Variants in BBS10 observed in about 807,000 individuals in gnomAD.
BBS10 encodes the protein Bardet-Biedl syndrome 10.
BBS10 carries 13 observed loss-of-function variants against 12.7 expected under a neutral mutation model. The ratio of observed to expected loss-of-function variants is 1.03; its 90% CI spans 0.67 to 1.63. The LOEUF (loss-of-function observed/expected upper bound fraction) is 1.63. Ranked by LOEUF, BBS10 falls within the 40% of genes most tolerant of loss-of-function variation. BBS10 has a pLI of 0.00. For missense variants in BBS10, 858 were observed against 858.0 expected, an observed-to-expected ratio of 1.00 and a Z score of 0.00; for synonymous variants, 294 against 304.8, an observed-to-expected ratio of 0.96 and a Z score of 0.37.
At chr12:76,348,117 T>A (rs536550586) in intron 1 of BBS10, 45 bp downstream of exon 1, 1 of 1,570,674 alleles carries the variant, frequency 6.4e-7, no homozygotes, top group African/African-American at 1.4e-5. Flanking sequence ...CCACAGAGGC[T>A]GCCTGGGGTG....
At position 76,345,549 on chromosome 12, in the gene BBS10, T is replaced by A. The variant is rs556444502; in HGVS notation, c.*264A>T. 8 of 437,444 alleles carry A rather than the reference T, an allele frequency of 1.8e-5. No individual in the cohort carries two copies. The highest frequency in any genetic ancestry group is 3.4e-5 in the Non-Finnish European group (8 of 235,664). 27.1% of individuals were successfully genotyped at this position (437,444 alleles called of 1,614,324 possible). A position where few individuals can be genotyped will look rare whatever the true frequency, so the allele number is the denominator to read the frequency against. On this transcript the variant is annotated 3_prime_UTR_variant, in exon 2 of 2. Transcript: ENST00000650064. ...AAAACCCTCCCCTAAACACATAGGC[T>A]AACACAGAGCTGAGACACAGAGGCA...
Position 76,346,942 on chromosome 12 carries a change from A to C in BBS10, c.1043T>G (p.Leu348Arg). The change falls in exon 2 of 2, where the codon CTT becomes CGT. Residue 348 changes from leucine (L) to arginine (R), a missense_variant. By Grantham distance (102) the Leu-to-Arg change is moderately radical (BLOSUM62 -2). Transcript: ENST00000650064. The stretch of plus-strand genomic sequence containing the variant: ...GGCCTGTGGTGGTACAAATGGAGAA[A>C]GACCAATGATCCTCCGGATAAGAGA... ...EVSLIRRIIG[L>R]SPFVPPQAFS... 1 of 1,611,432 alleles carries C rather than the reference A, an allele frequency of 6.2e-7. No homozygotes were observed. Among genetic ancestry groups the C allele is most frequent in the Non-Finnish European group, 8.5e-7 (1 of 1,180,008 alleles).
chr12:76,347,281 A>C lies in BBS10; in HGVS notation c.704T>G (p.Ile235Ser), dbSNP rs565821152. Residue 235 changes from isoleucine to serine, a missense_variant, in exon 2 of 2, where the codon ATC becomes AGC. Physicochemically the swap from Ile to Ser is moderately radical, Grantham distance 142. Transcript: ENST00000650064. Reference sequence around the variant, plus strand: ...TTTCTGAAGCACAAGACCAGCTATGATCCTGGAATCTGAAACAGGAAGGCC... The same window carrying C: ...TTTCTGAAGCACAAGACCAGCTATGCTCCTGGAATCTGAAACAGGAAGGCC... The part of the protein sequence containing the change: ...VTGLPVSDSR[I>S]IAGLVLQKDF... The C allele has an allele frequency of 6.2e-7, 1 of 1,613,794 alleles. No homozygotes were observed. The highest frequency in any genetic ancestry group is 1.3e-5 in the African/African-American group (1 of 75,040).
At position 76,345,706 on chromosome 12, in the gene BBS10, C is replaced by T. The variant is rs1271950845; in HGVS notation, c.*107G>A. 7.0e-6 allele frequency: 7 copies of T among 998,896 alleles called. No homozygotes were observed. Among genetic ancestry groups the T allele is most frequent in the African/African-American group, 3.2e-5 (2 of 62,070 alleles). 61.9% of individuals were successfully genotyped at this position (998,896 alleles called of 1,614,324 possible). A position where few individuals can be genotyped will look rare whatever the true frequency, so the allele number is the denominator to read the frequency against. ...CTTCTTCTAAAGACTTTTAAAGTTA[C>T]GCTATTTTCCTAAGTAGACTGAACT... On this transcript the variant is annotated 3_prime_UTR_variant, in exon 2 of 2. Transcript: ENST00000650064.
rs1396450993 is a variant in BBS10 at position 76,348,352 on chromosome 12, T to G, written c.7A>C (p.Ser3Arg). 6 of 1,586,182 alleles carry G rather than the reference T, an allele frequency of 3.8e-6. No individual in the cohort carries two copies. Among genetic ancestry groups the G allele is most frequent in the Non-Finnish European group, 5.1e-6 (6 of 1,165,906 alleles). ...ACAGACCCTGCAGCGGCCATAGAAC[T>G]TAACATATCTGGGCCGCTTCCCCTT... is the stretch of plus-strand genomic sequence containing the variant. ML[S>R]SMAAAGSVKA... is the part of the protein sequence containing the mutation. Residue 3 changes from serine (S) to arginine (R), a missense_variant, in exon 1 of 2, where the codon AGT becomes CGT. Coordinates refer to ENST00000650064, the MANE Select transcript of BBS10 (RefSeq NM_024685.4).
chr12:76,347,565 T>A lies in BBS10; in HGVS notation c.420A>T (p.Ile140=). Residue 140 remains isoleucine, a synonymous_variant, in exon 2 of 2, where the codon ATA becomes ATT. Coordinates refer to ENST00000650064, the MANE Select transcript of BBS10 (RefSeq NM_024685.4). Reference sequence around the variant, plus strand: ...GGTACTGGTCCATAATACCGTCTAATATTTGTGTCTGAAACGTTAGGAGAG... The same window carrying A: ...GGTACTGGTCCATAATACCGTCTAAAATTTGTGTCTGAAACGTTAGGAGAG... ...SQALLTFQTQ[I]LDGIMDQYLS... is the part of the protein sequence containing the mutation. 2 of 1,613,824 alleles carry A rather than the reference T, an allele frequency of 1.2e-6. No individual in the cohort carries two copies. The highest frequency in any genetic ancestry group is 1.7e-6 in the Non-Finnish European group (2 of 1,179,994).
intron 1 of BBS10, 96 bp downstream of exon 1, chr12:76,348,066 G>A (rs1225951488): frequency 1.4e-6 from 2 of 1,396,712 alleles, no homozygotes; most frequent in African/African-American, 2.9e-5. Context: ...CCCGAGGTCA[G>A]TCTTTCTAAG....
intron 1 of BBS10, 100 bp downstream of exon 1, chr12:76,348,062 G>A: frequency 1.5e-6 from 2 of 1,367,580 alleles, no homozygotes; most frequent in African/African-American, 1.5e-5. Flanking sequence ...TTCACCCGAG[G>A]TCAGTCTTTC....
In BBS10 at chr12:76,346,437, T is replaced by A. The variant is rs771662934; in HGVS notation, c.1548A>T (p.Thr516=). The change falls in exon 2 of 2, where the codon ACA becomes ACT. Residue 516 remains threonine (T), a synonymous_variant. Transcript: ENST00000650064. The part of the protein sequence containing the change: ...YSTPTLTPTD[T]FQTVETLTCL... ...ATGTCAGCGTTTCAACTGTTTGGAA[T>A]GTATCTGTTGGTGTCAGTGTGGGGG... 48 of 1,614,068 alleles carry A rather than the reference T, an allele frequency of 3.0e-5. No homozygotes were observed. In the Middle Eastern group the frequency reaches 1.5e-3, roughly 50 times the overall value.
At position 76,348,319 on chromosome 12, in the gene BBS10, C is replaced by A. The variant is rs1344339701; in HGVS notation, c.40G>T (p.Ala14Ser). Residue 14 changes from alanine to serine, a missense_variant, in exon 1 of 2, where the codon GCG (alanine) becomes TCG (serine). Transcript: ENST00000650064. ...TCCAGCACCTCGGCCACCTGCAACG[C>A]CGCCTTCACAGACCCTGCAGCGGCC... ...SMAAAGSVKA[A>S]LQVAEVLEAI... 1.2e-6 allele frequency: 2 copies of A among 1,609,506 alleles called. No individual in the cohort carries two copies. The highest frequency in any genetic ancestry group is 2.2e-5 in the South Asian group (2 of 90,426).
rs727503818 is a variant in BBS10, at chr12:76,346,893, GT to G, written c.1091del (p.Asn364ThrfsTer5). On this transcript the variant is annotated frameshift_variant, in exon 2 of 2. Coordinates refer to ENST00000650064, the MANE Select transcript of BBS10 (RefSeq NM_024685.4). LOFTEE classifies it low-confidence loss of function (END_TRUNC). Reference protein sequence around the residue: ...PQAFSQCEIPNTALVKFCKPL... With the variant: ...PQAFSQCEIPXTALVKFCKPL... Reference sequence around the variant, plus strand: ...GTTTACAAAATTTCACCAAAGCAGTGTTAGGTATTTCACACTGCGAAAAGGC... The same window carrying G: ...GTTTACAAAATTTCACCAAAGCAGTGTAGGTATTTCACACTGCGAAAAGGC... 64 of 1,613,214 alleles carry G rather than the reference GT, an allele frequency of 4.0e-5. No homozygotes were observed. The highest frequency in any genetic ancestry group is 1.6e-4 in the Middle Eastern group (1 of 6,084).
chr12:76,346,042 T>A lies in BBS10; in HGVS notation c.1943A>T (p.Lys648Ile), dbSNP rs913635172. The change falls in exon 2 of 2, where the codon AAA (lysine) becomes ATA (isoleucine). Residue 648 changes from lysine (K) to isoleucine (I), a missense_variant. Physicochemically the swap from Lys to Ile is moderately radical, Grantham distance 102 (BLOSUM62 -3). Coordinates refer to ENST00000650064, the MANE Select transcript of BBS10 (RefSeq NM_024685.4). ...ATGTGGAAAGCTGTACTTTCCTGTT[T>A]TAGATTTATAAAGGACTTTGGGAAT... The part of the protein sequence containing the change: ...LGIPKVLYKS[K>I]TGKYSFPHTY... The A allele has an allele frequency of 5.6e-6, 9 of 1,613,848 alleles. No homozygotes were observed. The highest frequency in any genetic ancestry group is 7.6e-6 in the Non-Finnish European group (9 of 1,179,944).
chr12:76,348,359 A>T lies in BBS10; in HGVS notation c.-1T>A, dbSNP rs760290463. 1 of 1,578,786 alleles carries T rather than the reference A, an allele frequency of 6.3e-7. No homozygotes were observed. Among genetic ancestry groups the T allele is most frequent in the Non-Finnish European group, 8.6e-7 (1 of 1,162,144 alleles). ...CTGCAGCGGCCATAGAACTTAACATATCTGGGCCGCTTCCCCTTTTTGACC... is the reference window on the plus strand; with the variant it reads ...CTGCAGCGGCCATAGAACTTAACATTTCTGGGCCGCTTCCCCTTTTTGACC... On this transcript the variant is annotated 5_prime_UTR_variant, in exon 1 of 2. Coordinates refer to ENST00000650064, the MANE Select transcript of BBS10 (RefSeq NM_024685.4).
rs767552027 is a variant in BBS10, at chr12:76,346,973, C to T, written c.1012G>A (p.Glu338Lys). ...ISVVECLSSE[E>K]VSLIRRIIGL... ...ATGATCCTCCGGATAAGAGAAACTT[C>T]TTCTGATGATAAACACTCAACCACT... The change falls in exon 2 of 2, where the codon GAA becomes AAA. Residue 338 changes from glutamate (E) to lysine (K), a missense_variant. By Grantham distance (56) the Glu-to-Lys change is moderately conservative. Transcript: ENST00000650064. 2.5e-6 allele frequency: 4 copies of T among 1,611,064 alleles called. No individual in the cohort carries two copies. Among genetic ancestry groups the T allele is most frequent in the Non-Finnish European group, 3.4e-6 (4 of 1,179,974 alleles).
chr12:76,348,122 G>T (rs1175857426), intron 1 of BBS10, 40 bp downstream of exon 1: 1 of 1,576,842 alleles, frequency 6.3e-7, no homozygotes. Flanking sequence ...GAGGCTGCCT[G>T]GGGTGCCCGG....
At position 76,346,567 on chromosome 12, in the gene BBS10, A is replaced by G. The variant is rs763473990; in HGVS notation, c.1418T>C (p.Val473Ala). ...GSIQRPYQDT[V>A]AENKDALEKT... Reference sequence around the variant, plus strand: ...TTCCAATGCATCTTTGTTCTCTGCAACTGTGTCCTGATAAGGCCTTTGTAT... The same window carrying G: ...TTCCAATGCATCTTTGTTCTCTGCAGCTGTGTCCTGATAAGGCCTTTGTAT... Residue 473 changes from valine to alanine, a missense_variant, in exon 2 of 2, where the codon GTT becomes GCT. Transcript: ENST00000650064. 32 of 1,614,030 alleles carry G rather than the reference A, an allele frequency of 2.0e-5. No homozygotes were observed. The South Asian group carries it at 3.4e-4, about 17-fold the overall frequency.
Position 76,348,189 on chromosome 12 carries a change from G to T in BBS10, c.170C>A (p.Ala57Glu). 2 of 1,613,112 alleles carry T rather than the reference G, an allele frequency of 1.2e-6. No individual in the cohort carries two copies. The highest frequency in any genetic ancestry group is 1.7e-6 in the Non-Finnish European group (2 of 1,179,298). Reference sequence around the variant, plus strand: ...GGCTATGGGATGCTCTAAGTGTAGCGCCTCCAGGAGGCGGCCTCCATTCCG... The same window carrying T: ...GGCTATGGGATGCTCTAAGTGTAGCTCCTCCAGGAGGCGGCCTCCATTCCG... Reference protein sequence around the residue: ...LSRNGGRLLEALHLEHPIARM... With the variant: ...LSRNGGRLLEELHLEHPIARM... Residue 57 changes from alanine (A) to glutamate (E), a missense_variant, in exon 1 of 2, where the codon GCG (alanine) becomes GAG (glutamate). Ala to Glu is a moderately radical substitution (Grantham distance 107). Coordinates refer to ENST00000650064, the MANE Select transcript of BBS10 (RefSeq NM_024685.4).
chr12:76,347,884 T>C lies in BBS10; in HGVS notation c.198-97A>G. On this transcript the variant is annotated intron_variant, in intron 1 of 1. Transcript: ENST00000650064. Reference sequence around the variant, plus strand: ...CAGCCATAAGCATAAAATGAGAATATTGTTCCTTGGATACATCCTTAGTTT... The same window carrying C: ...CAGCCATAAGCATAAAATGAGAATACTGTTCCTTGGATACATCCTTAGTTT... 8 of 1,339,376 alleles carry C rather than the reference T, an allele frequency of 6.0e-6. No individual in the cohort carries two copies. In the South Asian group the frequency reaches 8.9e-5, roughly 15 times the overall value. 83.0% of individuals were successfully genotyped at this position (1,339,376 alleles called of 1,614,324 possible). A position where few individuals can be genotyped will look rare whatever the true frequency, so the allele number is the denominator to read the frequency against.
chr12:76,346,273 C>T lies in BBS10; in HGVS notation c.1712G>A (p.Gly571Glu), dbSNP rs1478873097. The T allele has an allele frequency of 1.2e-6, 2 of 1,612,916 alleles. No individual in the cohort carries two copies. Among genetic ancestry groups the T allele is most frequent in the Admixed American group, 3.3e-5 (2 of 59,924 alleles). Residue 571 changes from glycine to glutamate, a missense_variant, in exon 2 of 2, where the codon GGA becomes GAA. Coordinates refer to ENST00000650064, the MANE Select transcript of BBS10 (RefSeq NM_024685.4). ...CTTACAGCTCACTGGTAACATGCTT[C>T]CCTTTCTAGTAATATTTGTGACCTG... ...NLQVTNITRK[G>E]SMLPVSCKLP...
Sources: gnomAD v4.1 joint callset for allele counts on GRCh38, gnomAD v4.1.1 for gene constraint, MANE v1.5 for transcripts, NCBI Gene and HGNC (gene_info 2026-07-23, HGNC 2026-07-21) for gene names.